ENTREP2: variants seen among roughly 807,000 people sequenced by gnomAD.
ENTREP2 encodes the protein endosomal transmembrane epsin interactor 2.
At chr15:29,445,980 C>T in the ENTREP2 span, among the ~76,000 whole-genome samples, 4 of 152,134 alleles carry the variant, frequency 2.6e-5, no homozygotes, top group South Asian at 2.1e-4. Context: ...CACATCTGGG[C>T]GACCAGAGAA....
the ENTREP2 span, among the ~76,000 whole-genome samples, chr15:29,619,162 A>G: frequency 5.3e-5 from 8 of 152,244 alleles, no homozygotes; most frequent in African/African-American, 1.9e-4. Context: ...GAAGGCCAAG[A>G]CAGGTGGATC....
At chr15:29,505,598 T>C in the ENTREP2 span, among the ~76,000 whole-genome samples, 1 of 152,154 alleles carries the variant, frequency 6.6e-6, no homozygotes, top group Non-Finnish European at 1.5e-5. This position sits in a 1 kb window ranked among gnomAD's most constrained non-coding sequence, Gnocchi z 4.3. Flanking sequence ...CCTCCGCTGG[T>C]GATACCCAGG....
At chr15:29,610,164 A>G in the ENTREP2 span, 1 of 150,646 alleles carries the variant, frequency 6.6e-6, no homozygotes, top group East Asian at 2.0e-4. Context: ...TTGAGAATTA[A>G]ATGATTGCTC....
At chr15:29,147,088 T>C in the ENTREP2 span, among the ~76,000 whole-genome samples, 1 of 152,340 alleles carries the variant, frequency 6.6e-6, no homozygotes, top group South Asian at 2.1e-4. Flanking sequence ...GAAACTTTTG[T>C]GCATCAAGTG....
chr15:29,339,158 T>C, the ENTREP2 span, among the ~76,000 whole-genome samples: 3 of 152,224 alleles, frequency 2.0e-5, no homozygotes, highest in East Asian at 1.9e-4. Flanking sequence ...ACTAGTGGAG[T>C]TGGCACGAGA....
At chr15:29,464,228 T>C in the ENTREP2 span, among the ~76,000 whole-genome samples, 12 of 144,490 alleles carry the variant, frequency 8.3e-5, no homozygotes, top group African/African-American at 3.1e-4. Context: ...ACCATGATAC[T>C]AAAAAAAAAA....
chr15:29,352,790 T>C, the ENTREP2 span, among the ~76,000 whole-genome samples: 7 of 152,224 alleles, frequency 4.6e-5, no homozygotes, highest in African/African-American at 1.7e-4. Flanking sequence ...CCTTTTTGCT[T>C]ATCAACTTCC....
the ENTREP2 span, among the ~76,000 whole-genome samples, chr15:29,338,122 A>G: frequency 6.6e-6 from 1 of 152,078 alleles, no homozygotes; most frequent in Non-Finnish European, 1.5e-5. Flanking sequence ...CTGCAGAGCT[A>G]TGTGCCCAAC....
the ENTREP2 span, chr15:29,137,070 G>T: frequency 1.4e-6 from 2 of 1,457,704 alleles, no homozygotes; most frequent in South Asian, 1.5e-5. Flanking sequence ...GGTGTACTCT[G>T]GGGGGTAATA....
At chr15:29,371,973 A>C in the ENTREP2 span, among the ~76,000 whole-genome samples, 1 of 152,200 alleles carries the variant, frequency 6.6e-6, no homozygotes, top group Non-Finnish European at 1.5e-5. Flanking sequence ...CAAAGAATTA[A>C]TGGAAGAAAT....
At chr15:29,597,311 G>C in the ENTREP2 span, among the ~76,000 whole-genome samples, 1 of 152,126 alleles carries the variant, frequency 6.6e-6, no homozygotes, top group African/African-American at 2.4e-5. Context: ...GCTCATGCCT[G>C]TAATCCCAGC....
chr15:29,486,317 C>T, the ENTREP2 span, among the ~76,000 whole-genome samples: 2 of 151,830 alleles, frequency 1.3e-5, no homozygotes, highest in African/African-American at 2.4e-5. Context: ...AAATACCATG[C>T]GGTGTACGTA....
chr15:29,392,574 T>A, the ENTREP2 span, among the ~76,000 whole-genome samples: 3 of 152,204 alleles, frequency 2.0e-5, no homozygotes, highest in Admixed American at 6.5e-5. Flanking sequence ...GCTGTCCTCA[T>A]TCTCTAAAGA....
At chr15:29,159,407 T>A in the ENTREP2 span, among the ~76,000 whole-genome samples, 6 of 152,240 alleles carry the variant, frequency 3.9e-5, no homozygotes, top group East Asian at 1.2e-3. Context: ...GCAAACAGCA[T>A]AATAACAAAG....
At chr15:29,429,992 C>T in the ENTREP2 span, among the ~76,000 whole-genome samples, 1 of 152,198 alleles carries the variant, frequency 6.6e-6, no homozygotes, top group African/African-American at 2.4e-5. Flanking sequence ...CCTATTGAAC[C>T]TTTACTTCCT....
chr15:29,534,106 CAAAAAA>C, the ENTREP2 span, among the ~76,000 whole-genome samples: 14 of 44,932 alleles, frequency 3.1e-4, no homozygotes, highest in African/African-American at 9.6e-4. Flanking sequence ...GCCCCTTGGC[CAAAAAA>C]AAAAAAAAAA....
the ENTREP2 span, among the ~76,000 whole-genome samples, chr15:29,534,778 A>G: frequency 3.3e-5 from 5 of 152,182 alleles, no homozygotes; most frequent in Non-Finnish European, 5.9e-5. Context: ...TGTTACCACA[A>G]TGTGGCCAGG....
At chr15:29,417,711 TA>T in the ENTREP2 span, among the ~76,000 whole-genome samples, 44 of 152,186 alleles carry the variant, frequency 2.9e-4, no homozygotes, top group South Asian at 1.2e-3. Context: ...GTGGCTGAAA[TA>T]TATATGTATG....
the ENTREP2 span, among the ~76,000 whole-genome samples, chr15:29,169,372 G>A: frequency 6.6e-6 from 1 of 152,078 alleles, no homozygotes; most frequent in Non-Finnish European, 1.5e-5. Context: ...TACAATAATA[G>A]TATAGGGTGG....
Sources: allele counts gnomAD v4.1 joint callset (sites outside exome capture counted in the v4.1 genomes callset), GRCh38; gene constraint gnomAD v4.1.1; non-coding constraint Gnocchi (gnomAD v3.1); transcripts MANE v1.5; gene names NCBI Gene and HGNC (gene_info 2026-07-23, HGNC 2026-07-21).